The following DTX1 variants were observed in gnomAD, a reference collection of about 807,000 sequenced individuals.
DTX1 encodes E3 ubiquitin-protein ligase DTX1.
DTX1 carries 26 observed loss-of-function variants against 57.8 expected under a neutral mutation model. The observed-to-expected ratio is 0.45, with a 90% CI of 0.33 to 0.62. DTX1 has a LOEUF of 0.62. Among genes scored for constraint, DTX1 ranks in the 20% least tolerant of loss-of-function variants. The pLI, the probability that DTX1 is intolerant of heterozygous loss-of-function variation, is 0.02. For synonymous variants in DTX1, 398 were observed against 394.1 expected (o/e 1.01, Z -0.12); for missense variants, 704 against 895.3 (o/e 0.79, Z 2.73).
intron 3 of DTX1, chr12:113,090,011 T>C (rs1405777339): frequency 6.6e-6 from 1 of 152,256 alleles, no homozygotes; most frequent in African/African-American, 2.4e-5. Context: ...TACTGAGGAC[T>C]CTGCTAAGCT....
At chr12:113,096,439 C>CAAAAAAAAAAAAAAA (rs56194115) in intron 9 of DTX1, among the ~76,000 whole-genome samples, 14 of 92,748 alleles carry the variant, frequency 1.5e-4, no homozygotes, top group South Asian at 8.3e-4. Context: ...GACTCTGCCT[C>CAAAAAAAAAAAAAAA]AAAAAAAAAA....
chr12:113,081,473 T>C (rs941197771), intron 3 of DTX1, among the ~76,000 whole-genome samples: 51 of 152,216 alleles, frequency 3.4e-4, no homozygotes, highest in African/African-American at 1.2e-3. Flanking sequence ...AAACAAGGCC[T>C]GTGTCCTCCC....
In DTX1 at chr12:113,090,324, G is replaced by GC. The variant is rs1465667357; in HGVS notation, c.942-2832dup. On this transcript the variant is annotated intron_variant, in intron 3 of 9. Coordinates refer to ENST00000548759, the MANE Select transcript of DTX1 (RefSeq NM_004416.3). ...GGAGGAAGTTAGAGTGGTGACAGCT[G>GC]CCCCCCTGAGGAAGGCCCTGGAGGA... 3.3e-5 allele frequency among the ~76,000 whole-genome samples: 5 copies of GC among 152,208 alleles called. No homozygotes were observed. The South Asian group carries it at 6.2e-4, about 19-fold the overall frequency.
At chr12:113,074,987 T>C (rs2136057483) in intron 2 of DTX1, among the ~76,000 whole-genome samples, 1 of 152,244 alleles carries the variant, frequency 6.6e-6, no homozygotes, top group East Asian at 1.9e-4. Context: ...AGGTGCCTGT[T>C]AAACCTCTCC....
At chr12:113,081,427 G>T (rs953330060) in intron 3 of DTX1, among the ~76,000 whole-genome samples, 1 of 152,242 alleles carries the variant, frequency 6.6e-6, no homozygotes, top group Non-Finnish European at 1.5e-5. Context: ...CTCCAAATAT[G>T]TGCTGTGGGT....
At chr12:113,066,251 G>A (rs1001038613) in intron 2 of DTX1, among the ~76,000 whole-genome samples, 6 of 143,930 alleles carry the variant, frequency 4.2e-5, no homozygotes, top group South Asian at 2.2e-4. Flanking sequence ...TGTGTAGGCC[G>A]GGTGTGGTGG....
intron 2 of DTX1, among the ~76,000 whole-genome samples, chr12:113,065,852 G>GT (rs1206356106): frequency 1.3e-5 from 2 of 152,148 alleles, no homozygotes; most frequent in Non-Finnish European, 2.9e-5. Context: ...GTGGCTCCAA[G>GT]TGCCCATTCA....
At chr12:113,058,616 T>C (rs766165800) in intron 2 of DTX1, among the ~76,000 whole-genome samples, 165 bp downstream of exon 2, 2 of 152,248 alleles carry the variant, frequency 1.3e-5, no homozygotes, top group Admixed American at 6.5e-5. Context: ...AGTTTAAGAC[T>C]TGGATTCCAA....
rs753191974 is a variant in DTX1 at position 113,094,908 on chromosome 12, C to A, written c.1347C>A (p.His449Gln). Residue 449 changes from histidine to glutamine, a missense_variant, in exon 7 of 10, where the codon CAC becomes CAA. By Grantham distance (24) the His-to-Gln change is conservative (BLOSUM62 0). Coordinates refer to ENST00000548759, the MANE Select transcript of DTX1 (RefSeq NM_004416.3). Reference sequence around the variant, plus strand: ...TGGGCCGCTGTGGCCACATGTACCACCTGCTGTGCCTCGTGGCCATGTACT... The same window carrying A: ...TGGGCCGCTGTGGCCACATGTACCAACTGCTGTGCCTCGTGGCCATGTACT... ...GRLGRCGHMYHLLCLVAMYSN... is the reference protein window; with the variant it reads ...GRLGRCGHMYQLLCLVAMYSN... 1 of 1,613,706 alleles carries A rather than the reference C, an allele frequency of 6.2e-7. No homozygotes were observed. The highest frequency in any genetic ancestry group is 8.5e-7 in the Non-Finnish European group (1 of 1,179,960).
intron 2 of DTX1, among the ~76,000 whole-genome samples, chr12:113,067,030 A>G (rs749157720): frequency 9.9e-5 from 15 of 152,074 alleles, no homozygotes; most frequent in Middle Eastern, 3.4e-3. Flanking sequence ...GCCTGCACAG[A>G]CAGCAGTGGC....
intron 3 of DTX1, among the ~76,000 whole-genome samples, chr12:113,088,307 T>C (rs1950219925): frequency 6.6e-6 from 1 of 152,240 alleles, no homozygotes; most frequent in Non-Finnish European, 1.5e-5. Flanking sequence ...GATTCTGAAG[T>C]TGCATCTTGG....
intron 3 of DTX1, chr12:113,089,923 C>T (rs1346362744): frequency 1.3e-5 from 2 of 152,264 alleles, no homozygotes; most frequent in African/African-American, 4.8e-5. Flanking sequence ...GGGTTACCCA[C>T]TGGGCCAGAC....
chr12:113,079,889 C>T (rs2044804400), intron 3 of DTX1, among the ~76,000 whole-genome samples: 1 of 152,166 alleles, frequency 6.6e-6, no homozygotes, highest in African/African-American at 2.4e-5. Context: ...GCTGGGAGAC[C>T]TGGGACGAGT....
chr12:113,095,274 C>T (rs1330764008), intron 8 of DTX1, 51 bp from the exon 9 acceptor site: 1 of 1,611,864 alleles, frequency 6.2e-7, no homozygotes, highest in Admixed American at 1.7e-5. Context: ...GCTTCTCCAC[C>T]CTGCCACCAC....
Position 113,097,062 on chromosome 12 carries a change from C to CCT in DTX1, c.*123_*124insCT. The stretch of plus-strand genomic sequence containing the variant: ...AGGAGCCTGCGGAAGGGGCCGCAGC[C>CCT]ATTCAGGGGACCTGCCTGGTGGCAG... On this transcript the variant is annotated 3_prime_UTR_variant, in exon 10 of 10. Transcript: ENST00000548759. The CCT allele has an allele frequency of 1.8e-6, 2 of 1,106,366 alleles. No homozygotes were observed. Among genetic ancestry groups the CCT allele is most frequent in the Non-Finnish European group, 2.5e-6 (2 of 798,056 alleles). 68.5% of individuals were successfully genotyped at this position (1,106,366 alleles called of 1,614,324 possible). A position where few individuals can be genotyped will look rare whatever the true frequency, so the allele number is the denominator to read the frequency against.
At chr12:113,062,323 G>A (rs1902953) in intron 2 of DTX1, among the ~76,000 whole-genome samples, 39,276 of 152,026 alleles carry the variant, frequency 0.26, 5,517 homozygotes, top group Middle Eastern at 0.43. Context: ...CAACTCTATC[G>A]GAGCAGAAAA....
Position 113,091,235 on chromosome 12 carries a change from G to A in DTX1, c.942-1927G>A, listed in dbSNP as rs566236776. 2.7e-5 allele frequency among the ~76,000 whole-genome samples: 4 copies of A among 149,942 alleles called. 1 individual carries two copies. In the South Asian group the frequency reaches 8.4e-4, roughly 31 times the overall value. ...TGTGTATGTGTGTGTCCCCGTGTGTGCACAAGTCTCTGTATGTAGGTGTGG... is the reference window on the plus strand; with the variant it reads ...TGTGTATGTGTGTGTCCCCGTGTGTACACAAGTCTCTGTATGTAGGTGTGG... On this transcript the variant is annotated intron_variant, in intron 3 of 9. Transcript: ENST00000548759.
At chr12:113,056,997 C>A (rs898187192) in intron 1 of DTX1, 53 bp downstream of exon 1, 6 of 152,174 alleles carry the variant, frequency 3.9e-5, no homozygotes, top group African/African-American at 1.4e-4. Flanking sequence ...TGGGGGCCCG[C>A]GAGCGGCTCG....
chr12:113,073,642 C>T (rs1026078485), intron 2 of DTX1, among the ~76,000 whole-genome samples: 3 of 152,212 alleles, frequency 2.0e-5, no homozygotes, highest in African/African-American at 4.8e-5. Flanking sequence ...GTCTGTAGCC[C>T]TTGTGATTCT....
Sources: gnomAD v4.1 joint callset for allele counts (sites outside exome capture counted in the v4.1 genomes callset) on GRCh38, gnomAD v4.1.1 for gene constraint, MANE v1.5 for transcripts, NCBI Gene and HGNC (gene_info 2026-07-23, HGNC 2026-07-21) for gene names.